Variants in MBTD1 observed in about 807,000 individuals in gnomAD.
MBTD1 encodes MBT domain-containing protein 1.
Under a neutral mutation model 87.8 loss-of-function variants are expected in MBTD1, and 24 were observed. The observed-to-expected ratio is 0.27, with a 90% CI of 0.20 to 0.38. The LOEUF is 0.38. MBTD1 is among the 10% of genes least tolerant of loss of function. MBTD1 has a pLI of 1.00. For synonymous variants in MBTD1, 237 were observed against 248.6 expected, an observed-to-expected ratio of 0.95 and a Z score of 0.44; for missense variants, 436 against 760.2, an observed-to-expected ratio of 0.57 and a Z score of 5.02.
chr17:51,198,483 C>A (rs955611177), intron 12 of MBTD1, among the ~76,000 whole-genome samples: 3 of 152,184 alleles, frequency 2.0e-5, no homozygotes, highest in African/African-American at 7.2e-5. Context: ...GAGAGCTTTG[C>A]CTAAGACCTC....
Position 51,225,214 on chromosome 17 carries a change from GAAGT to G in MBTD1, c.-48-9_-48-6del. On this transcript the variant is annotated splice_polypyrimidine_tract_variant and splice_region_variant and intron_variant, in intron 2 of 16. Transcript: ENST00000586178. ...AGATCGTGAAGAATGTTCAGTCTTT[GAAGT>G]AAGAGAAACCAGTGACACATGACAC... The G allele has an allele frequency of 6.1e-6, 9 of 1,469,326 alleles. No individual in the cohort carries two copies. In the South Asian group the frequency reaches 1.3e-4, roughly 21 times the overall value. 91.0% of individuals were successfully genotyped at this position (1,469,326 alleles called of 1,614,324 possible).
At chr17:51,232,733 T>G (rs552209428) in intron 2 of MBTD1, among the ~76,000 whole-genome samples, 1 of 152,222 alleles carries the variant, frequency 6.6e-6, no homozygotes, top group African/African-American at 2.4e-5. Flanking sequence ...CTAAGAATTC[T>G]GCAGAAATGA....
intron 2 of MBTD1, among the ~76,000 whole-genome samples, chr17:51,247,234 A>C (rs1366606527): frequency 6.6e-6 from 1 of 152,168 alleles, no homozygotes; most frequent in Non-Finnish European, 1.5e-5. Flanking sequence ...TTCTCTTCTG[A>C]CCGATTAGTA....
intron 6 of MBTD1, among the ~76,000 whole-genome samples, chr17:51,208,067 C>A (rs149112679): frequency 2.4e-4 from 36 of 152,316 alleles, no homozygotes; most frequent in African/African-American, 8.2e-4. Context: ...CCAATTTGAA[C>A]ATTAGGCAAA....
chr17:51,259,625 A>G (rs979825273), intron 1 of MBTD1, among the ~76,000 whole-genome samples: 5 of 140,880 alleles, frequency 3.5e-5, no homozygotes, highest in Non-Finnish European at 7.8e-5. Context: ...GAGAACCCCA[A>G]CGAGTCCAAG....
At chr17:51,239,415 AACAAT>A (rs1458575471) in intron 2 of MBTD1, among the ~76,000 whole-genome samples, 3 of 152,214 alleles carry the variant, frequency 2.0e-5, no homozygotes, top group Admixed American at 2.0e-4. Context: ...TATAAGTTAC[AACAAT>A]ACAAAGAACA....
chr17:51,206,188 T>C (rs1315654932), intron 7 of MBTD1, among the ~76,000 whole-genome samples: 5 of 152,160 alleles, frequency 3.3e-5, no homozygotes, highest in Non-Finnish European at 7.4e-5. Context: ...GTGGAGGCAG[T>C]GGGAATAAAC....
At chr17:51,192,510 A>G in intron 15 of MBTD1, 1 of 648,062 alleles carries the variant, frequency 1.5e-6, no homozygotes, top group Non-Finnish European at 2.6e-6. Flanking sequence ...TTTAGTATGT[A>G]ATTTTTAACT....
intron 2 of MBTD1, among the ~76,000 whole-genome samples, chr17:51,247,319 T>C (rs1012695437): frequency 4.6e-5 from 7 of 152,226 alleles, no homozygotes; most frequent in African/African-American, 1.7e-4. Flanking sequence ...CTCATCAAAA[T>C]GTATTTTTGT....
chr17:51,183,634 G>C (rs1156331107), intron 16 of MBTD1: 1 of 152,114 alleles, frequency 6.6e-6, no homozygotes, highest in Non-Finnish European at 1.5e-5. Context: ...ACTGTTCAAA[G>C]GTACAGCAAA....
intron 5 of MBTD1, 131 bp from the exon 6 acceptor site, chr17:51,217,547 A>G (rs760578114): frequency 5.1e-5 from 27 of 529,822 alleles, no homozygotes; most frequent in Non-Finnish European, 7.5e-5. Context: ...CTTTATGTAA[A>G]GATCAAATAA....
intron 2 of MBTD1, among the ~76,000 whole-genome samples, chr17:51,231,452 A>T (rs755815812): frequency 3.0e-4 from 45 of 150,830 alleles, no homozygotes; most frequent in Non-Finnish European, 5.1e-4. Context: ...TTTTTTTTTT[A>T]AAAGTACCAT....
intron 13 of MBTD1, among the ~76,000 whole-genome samples, chr17:51,194,766 C>T (rs2145108698): frequency 6.7e-6 from 1 of 150,156 alleles, no homozygotes; most frequent in South Asian, 2.1e-4. Flanking sequence ...TGCCTTTCAG[C>T]TGTAGTTTCA....
chr17:51,187,613 G>A (rs2050598308), intron 16 of MBTD1, among the ~76,000 whole-genome samples: 1 of 152,066 alleles, frequency 6.6e-6, no homozygotes, highest in East Asian at 1.9e-4. Context: ...ACTTTGGGAG[G>A]CCGAGGCAGG....
chr17:51,253,651 A>G (rs1323081507), intron 2 of MBTD1, among the ~76,000 whole-genome samples: 1 of 152,174 alleles, frequency 6.6e-6, no homozygotes, highest in East Asian at 1.9e-4. Context: ...GGGAAGATGA[A>G]TCTAACTTTT....
Position 51,225,035 on chromosome 17 carries a change from T to TGTA in MBTD1, c.124_126dup (p.Tyr42dup), listed in dbSNP as rs2053131037. The TGTA allele has an allele frequency of 6.4e-7, 1 of 1,551,508 alleles. No homozygotes were observed. Among genetic ancestry groups the TGTA allele is most frequent in the African/African-American group, 1.4e-5 (1 of 73,034 alleles). On this transcript the variant is annotated inframe_insertion, in exon 3 of 17. Coordinates refer to ENST00000586178, the MANE Select transcript of MBTD1 (RefSeq NM_017643.3). ...ATGCCAGATTTACCATCTGGGTATGTGTAGACTTGCCCATTGTTTTTGATA... is the reference window on the plus strand; with the variant it reads ...ATGCCAGATTTACCATCTGGGTATGTGTAGTAGACTTGCCCATTGTTTTTGATA...
At chr17:51,200,996 T>C (rs1038636499) in intron 12 of MBTD1, among the ~76,000 whole-genome samples, 2 of 150,910 alleles carry the variant, frequency 1.3e-5, no homozygotes, top group Admixed American at 6.6e-5. Flanking sequence ...AAAATAAAAA[T>C]AAGAAAATTA....
At chr17:51,255,086 G>C (rs935599196) in intron 2 of MBTD1, among the ~76,000 whole-genome samples, 3 of 152,074 alleles carry the variant, frequency 2.0e-5, no homozygotes, top group African/African-American at 7.2e-5. Context: ...TTTGACACCA[G>C]CCTGGCCAAT....
chr17:51,260,427 G>C, upstream of MBTD1: 1 of 776,430 alleles, frequency 1.3e-6, no homozygotes. Flanking sequence ...GTAGGGGAGC[G>C]GGAGTTACGT....
Sources: gnomAD v4.1 joint callset for allele counts (sites outside exome capture counted in the v4.1 genomes callset) on GRCh38, gnomAD v4.1.1 for gene constraint, MANE v1.5 for transcripts, NCBI Gene and HGNC (gene_info 2026-07-23, HGNC 2026-07-21) for gene names.